GGACT: variants seen among roughly 807,000 people sequenced by gnomAD.
The protein encoded by GGACT is gamma-glutamylaminecyclotransferase.
For missense variants in GGACT, 241 were observed against 233.2 expected, an observed-to-expected ratio of 1.03 and a Z score of -0.22; for synonymous variants, 118 against 115.3, an observed-to-expected ratio of 1.02 and a Z score of -0.15.
intron 2 of GGACT, among the ~76,000 whole-genome samples, chr13:100,564,238 G>C (rs560081108): frequency 5.9e-5 from 9 of 152,188 alleles, no homozygotes; most frequent in Non-Finnish European, 7.3e-5. Flanking sequence ...ATTGATTGTG[G>C]GAAGGGTCTA....
At chr13:100,554,825 CGAGA>C (rs1014932801) in intron 2 of GGACT, among the ~76,000 whole-genome samples, 2 of 151,392 alleles carry the variant, frequency 1.3e-5, no homozygotes, top group African/African-American at 4.9e-5. Flanking sequence ...TATAGGTAAA[CGAGA>C]GAGAGAGAAA....
intron 2 of GGACT, among the ~76,000 whole-genome samples, chr13:100,563,173 GC>G (rs1263003335): frequency 6.6e-6 from 1 of 152,162 alleles, no homozygotes; most frequent in Non-Finnish European, 1.5e-5. Flanking sequence ...GATGGATGCT[GC>G]CCCACGATCA....
rs1217337764 is a variant in GGACT at position 100,545,527 on chromosome 13, G to A, written c.-10-12926C>T. ...ATACCAGGCTCCAGTCACATCTGCC[G>A]TGGCCTCCTGAATCTAGAAGGTGCC... On this transcript the variant is annotated intron_variant, in intron 2 of 2. Coordinates refer to ENST00000683975, the MANE Select transcript of GGACT (RefSeq NM_001195087.2). The surrounding 1 kb of genome is among the most constrained non-coding windows in gnomAD (Gnocchi z 4.4). Among the ~76,000 whole-genome samples the A allele has an allele frequency of 1.3e-5, 2 of 152,202 alleles. No homozygotes were observed. Among genetic ancestry groups the A allele is most frequent in the East Asian group, 1.9e-4 (1 of 5,180 alleles).
chr13:100,588,137 A>G (rs750423476), intron 1 of GGACT, among the ~76,000 whole-genome samples: 2 of 152,234 alleles, frequency 1.3e-5, no homozygotes, highest in Non-Finnish European at 2.9e-5. Flanking sequence ...TCTGCTTTTG[A>G]GCTTGTGGCG....
chr13:100,566,983 T>C (rs1874907683), intron 2 of GGACT, among the ~76,000 whole-genome samples: 3 of 152,264 alleles, frequency 2.0e-5, no homozygotes, highest in African/African-American at 7.2e-5. Context: ...TTGCAGGCCA[T>C]TGATTTGGTT....
In GGACT at chr13:100,549,622, G is replaced by A. The variant is rs184617213; in HGVS notation, c.-10-17021C>T. 2.1e-3 allele frequency among the ~76,000 whole-genome samples: 319 copies of A among 152,380 alleles called. 1 individual carries two copies. Among genetic ancestry groups the A allele is most frequent in the Middle Eastern group, 6.8e-3 (2 of 294 alleles). On this transcript the variant is annotated intron_variant, in intron 2 of 2. Transcript: ENST00000683975. ...CTCCGCCTCCAGTGGGCTCTGTAAGGCAGGACTCGTTTTGGTAGTAATAAC... is the reference window on the plus strand; with the variant it reads ...CTCCGCCTCCAGTGGGCTCTGTAAGACAGGACTCGTTTTGGTAGTAATAAC...
In GGACT at chr13:100,544,719, C is replaced by A. The variant is rs1594185876; in HGVS notation, c.-10-12118G>T. Among the ~76,000 whole-genome samples, 5 of 152,356 alleles carry A rather than the reference C, an allele frequency of 3.3e-5. No individual in the cohort carries two copies. The South Asian group carries it at 1.0e-3, about 32-fold the overall frequency. On this transcript the variant is annotated intron_variant, in intron 2 of 2. Coordinates refer to ENST00000683975, the MANE Select transcript of GGACT (RefSeq NM_001195087.2). ...CTTGAGTTTTTACTCTTTGGCCATGCCAAATATAAATAACGATTTTTTTCA... is the reference window on the plus strand; with the variant it reads ...CTTGAGTTTTTACTCTTTGGCCATGACAAATATAAATAACGATTTTTTTCA...
intron 2 of GGACT, among the ~76,000 whole-genome samples, chr13:100,555,290 C>A (rs1370588526): frequency 1.3e-5 from 2 of 151,748 alleles, no homozygotes; most frequent in Non-Finnish European, 2.9e-5. Context: ...TTTGGGAGGC[C>A]AAAGCAGGTG....
intron 2 of GGACT, among the ~76,000 whole-genome samples, chr13:100,544,556 C>T (rs74355592): frequency 0.011 from 1,632 of 152,328 alleles, 86 homozygotes; most frequent in Admixed American, 0.091. Context: ...AAAACGCTGG[C>T]GCCTTTGAAA....
chr13:100,573,358 A>T (rs1875152900), intron 2 of GGACT, among the ~76,000 whole-genome samples: 1 of 152,210 alleles, frequency 6.6e-6, no homozygotes, highest in Non-Finnish European at 1.5e-5. Context: ...ACTTCATTGA[A>T]ACAATCTCAA....
At chr13:100,570,600 C>G (rs1332207237) in intron 2 of GGACT, among the ~76,000 whole-genome samples, 2 of 152,150 alleles carry the variant, frequency 1.3e-5, no homozygotes, top group Non-Finnish European at 2.9e-5. Context: ...TATCAGACCT[C>G]AAATGAATCT....
At chr13:100,572,771 T>C (rs1182960023) in intron 2 of GGACT, among the ~76,000 whole-genome samples, 1 of 152,168 alleles carries the variant, frequency 6.6e-6, no homozygotes, top group Non-Finnish European at 1.5e-5. Context: ...TTCATAAGAA[T>C]GCAGAGTCCT....
chr13:100,579,114 C>T (rs1455616900), intron 2 of GGACT, among the ~76,000 whole-genome samples: 1 of 152,118 alleles, frequency 6.6e-6, no homozygotes, highest in East Asian at 1.9e-4. Context: ...TACTGGGTGC[C>T]CACTATGTGG....
intron 2 of GGACT, among the ~76,000 whole-genome samples, chr13:100,566,263 T>C (rs185950758): frequency 6.6e-5 from 10 of 152,370 alleles, no homozygotes; most frequent in Admixed American, 2.0e-4. Context: ...GGGTGATTTG[T>C]TCCTCAGCAG....
chr13:100,533,717 G>C (rs1594180472), intron 2 of GGACT: 1 of 152,226 alleles, frequency 6.6e-6, no homozygotes, highest in African/African-American at 2.4e-5. Flanking sequence ...TCCCCGCAGC[G>C]ATCTTGGCTC....
intron 2 of GGACT, among the ~76,000 whole-genome samples, chr13:100,580,609 AAC>A (rs1172581594): frequency 2.6e-5 from 4 of 152,240 alleles, no homozygotes; most frequent in African/African-American, 9.6e-5. Flanking sequence ...CTAGCAAATG[AAC>A]ACAGTTACTA....
intron 2 of GGACT, among the ~76,000 whole-genome samples, chr13:100,549,940 A>C (rs2088641348): frequency 6.6e-6 from 1 of 152,224 alleles, no homozygotes; most frequent in Admixed American, 6.5e-5. Context: ...GTTTTTTTGT[A>C]TAAATTATCT....
chr13:100,531,856 G>T lies in GGACT; in HGVS notation c.*274C>A. The T allele has an allele frequency of 2.7e-6, 1 of 367,978 alleles. No individual in the cohort carries two copies. Among genetic ancestry groups the T allele is most frequent in the East Asian group, 4.0e-5 (1 of 25,090 alleles). The allele number at this position is 367,978 out of a possible 1,614,324, so 22.8% of individuals were successfully genotyped here. ...GCCAACAGCAGAAACAACACGAGGA[G>T]GAAGAAGAATTAGGCATAACACGAG... On this transcript the variant is annotated 3_prime_UTR_variant, in exon 3 of 3. Transcript: ENST00000683975.
intron 2 of GGACT, among the ~76,000 whole-genome samples, chr13:100,559,188 C>A (rs550683617): frequency 6.6e-6 from 1 of 152,146 alleles, no homozygotes; most frequent in Non-Finnish European, 1.5e-5. Flanking sequence ...TTAATTTATT[C>A]ATTCATTAAT....
Sources: gnomAD v4.1 joint callset for allele counts (sites outside exome capture counted in the v4.1 genomes callset) on GRCh38, gnomAD v4.1.1 for gene constraint, Gnocchi (gnomAD v3.1) non-coding constraint, MANE v1.5 for transcripts, NCBI Gene and HGNC (gene_info 2026-07-23, HGNC 2026-07-21) for gene names.